USP4: variants seen among roughly 807,000 people sequenced by gnomAD.
USP4 encodes ubiquitin carboxyl-terminal hydrolase 4.
In USP4, 72 loss-of-function variants were observed where a neutral mutation model predicts 118.2. The ratio of observed to expected loss-of-function variants is 0.61; its 90% CI spans 0.50 to 0.74. USP4 has a LOEUF of 0.74. Among genes scored for constraint, USP4 ranks in the 30% least tolerant of loss-of-function variants. USP4 has a pLI of 0.00. For synonymous variants in USP4, 415 were observed against 440.4 expected (o/e 0.94, Z 0.72); for missense variants, 1,037 against 1,185.7 (o/e 0.87, Z 1.84).
chr3:49,307,552 A>G (rs1043246171), intron 8 of USP4, among the ~76,000 whole-genome samples: 3 of 152,096 alleles, frequency 2.0e-5, no homozygotes, highest in African/African-American at 7.2e-5. Context: ...AACCTCCCAA[A>G]TCACTGGGAA....
At chr3:49,285,580 TCTC>T (rs1312945609) in intron 16 of USP4, among the ~76,000 whole-genome samples, 1 of 151,916 alleles carries the variant, frequency 6.6e-6, no homozygotes, top group East Asian at 1.9e-4. Flanking sequence ...CAGAGATGCT[TCTC>T]CTCCCCTAAC....
chr3:49,339,334 C>T (rs933369161), intron 1 of USP4, among the ~76,000 whole-genome samples: 7 of 152,116 alleles, frequency 4.6e-5, no homozygotes, highest in African/African-American at 1.7e-4. Flanking sequence ...ATTCTGGACC[C>T]TTCATCTTCT....
intron 10 of USP4, 117 bp from the exon 11 acceptor site, chr3:49,300,808 G>T: frequency 1.1e-6 from 1 of 890,554 alleles, no homozygotes; most frequent in Non-Finnish European, 1.7e-6. Flanking sequence ...ACAGCCAAGA[G>T]CTTGATCCAG....
At chr3:49,316,665 A>G in intron 6 of USP4, 1 of 176,890 alleles carries the variant, frequency 5.7e-6, no homozygotes, top group East Asian at 1.5e-4. Context: ...ATTTTTACAA[A>G]GATAATCTTT....
intron 6 of USP4, chr3:49,318,775 TG>T (rs1575616224): frequency 4.6e-6 from 1 of 219,776 alleles, no homozygotes; most frequent in Non-Finnish European, 7.7e-6. Context: ...CCGGGCGTGG[TG>T]GCACGAACCC....
At chr3:49,316,730 G>T in intron 6 of USP4, 1 of 332,786 alleles carries the variant, frequency 3.0e-6, no homozygotes, top group Non-Finnish European at 5.6e-6. Context: ...CTGGGATGAA[G>T]GAGAACCCCT....
At chr3:49,332,793 G>A (rs1194528592) in intron 2 of USP4, among the ~76,000 whole-genome samples, 3 of 152,106 alleles carry the variant, frequency 2.0e-5, no homozygotes, top group Non-Finnish European at 4.4e-5. Flanking sequence ...ACTCTGGGAC[G>A]TCAAGGCGGG....
At chr3:49,283,871 C>G (rs78865369) in intron 19 of USP4, 116 bp downstream of exon 19, 8 of 1,277,412 alleles carry the variant, frequency 6.3e-6, no homozygotes, top group Non-Finnish European at 8.8e-6. Context: ...TCCTAGACCC[C>G]GGCAACACAC....
chr3:49,292,047 T>A (rs1359756581), intron 15 of USP4, among the ~76,000 whole-genome samples: 1 of 151,988 alleles, frequency 6.6e-6, no homozygotes, highest in African/African-American at 2.4e-5. Flanking sequence ...GACCTCGTGA[T>A]CCGCCCTCCT....
At position 49,335,584 on chromosome 3, in the gene USP4, G is replaced by A. The variant is rs2047660717; in HGVS notation, c.114C>T (p.Asp38=). The change falls in exon 2 of 22, where the codon GAC becomes GAT. Residue 38 remains aspartate, a synonymous_variant. Coordinates refer to ENST00000265560, the MANE Select transcript of USP4 (RefSeq NM_003363.4). ...TCTTCCACTGCTTGAACCACCGGCT[G>A]TCAATAAGATACCTAGAGAGAGACA... The part of the protein sequence containing the change: ...LQRGAQWYLI[D]SRWFKQWKKY... 2 of 1,614,220 alleles carry A rather than the reference G, an allele frequency of 1.2e-6. No homozygotes were observed. Among genetic ancestry groups the A allele is most frequent in the African/African-American group, 1.3e-5 (1 of 75,070 alleles).
intron 11 of USP4, among the ~76,000 whole-genome samples, chr3:49,300,097 A>T (rs1310668428): frequency 6.6e-6 from 1 of 152,116 alleles, no homozygotes; most frequent in Non-Finnish European, 1.5e-5. Context: ...AAATACAAAA[A>T]TTAGCTGAGC....
chr3:49,321,327 C>T (rs980923585), intron 6 of USP4, among the ~76,000 whole-genome samples: 1 of 152,010 alleles, frequency 6.6e-6, no homozygotes, highest in Non-Finnish European at 1.5e-5. Flanking sequence ...TACAATTGTT[C>T]ACCTTTCTCA....
At chr3:49,312,473 TC>T in intron 6 of USP4, 2 of 443,582 alleles carry the variant, frequency 4.5e-6, no homozygotes, top group Non-Finnish European at 9.0e-6. Flanking sequence ...AGACTCCATC[TC>T]AAAAAAAAAA....
chr3:49,288,165 C>T (rs1025073239), intron 15 of USP4, among the ~76,000 whole-genome samples: 19 of 152,186 alleles, frequency 1.2e-4, no homozygotes, highest in Non-Finnish European at 2.8e-4. Context: ...CCTTTACACA[C>T]AATAAGCCTG....
chr3:49,284,837 C>A lies in USP4; in HGVS notation c.2271+12G>T. On this transcript the variant is annotated intron_variant, in intron 17 of 21. Coordinates refer to ENST00000265560, the MANE Select transcript of USP4 (RefSeq NM_003363.4). ...AGCAGACACCACCGACCACGAACCC[C>A]GAGGGACCTACCTCAGATTCTTGCT... The A allele has an allele frequency of 1.9e-6, 3 of 1,613,100 alleles. No individual in the cohort carries two copies. The highest frequency in any genetic ancestry group is 2.5e-6 in the Non-Finnish European group (3 of 1,179,290).
At position 49,330,704 on chromosome 3, in the gene USP4, G is replaced by GGGAGGCT. The variant is rs566854275; in HGVS notation, c.230-2895_230-2889dup. The stretch of plus-strand genomic sequence containing the variant: ...GTCTCAACCCTGAGCTAAAAATATT[G>GGGAGGCT]GGAGGCTGGAGGCTGGAGGCCGGAG... On this transcript the variant is annotated intron_variant, in intron 2 of 21. Transcript: ENST00000265560. 3.9e-3 allele frequency among the ~76,000 whole-genome samples: 589 copies of GGGAGGCT among 152,092 alleles called. 3 individuals carry two copies. The highest frequency in any genetic ancestry group is 0.011 in the African/African-American group (451 of 41,516).
At chr3:49,309,941 A>ACCTTTTTT (rs2047365497) in intron 8 of USP4, among the ~76,000 whole-genome samples, 1 of 15,402 alleles carries the variant, frequency 6.5e-5, no homozygotes, top group African/African-American at 3.1e-4. Flanking sequence ...CTTTTTTTTA[A>ACCTTTTTT]TCTTTTTTTT....
Position 49,306,092 on chromosome 3 carries a change from C to T in USP4, c.955-204G>A, listed in dbSNP as rs567484349. The stretch of plus-strand genomic sequence containing the variant: ...CCCCTTGCAGCTAATCTCGGAGGGA[C>T]GTGGTCTTAGAGGACCGCATATGCA... On this transcript the variant is annotated intron_variant, in intron 8 of 21. Transcript: ENST00000265560. Among the ~76,000 whole-genome samples the T allele has an allele frequency of 5.3e-5, 8 of 151,828 alleles. No individual in the cohort carries two copies. In the South Asian group the frequency reaches 1.5e-3, roughly 28 times the overall value.
intron 2 of USP4, among the ~76,000 whole-genome samples, chr3:49,329,846 A>C (rs2047594320): frequency 6.6e-6 from 1 of 152,140 alleles, no homozygotes; most frequent in African/African-American, 2.4e-5. Flanking sequence ...TAAGACTTGA[A>C]AGTTGAAATC....
Sources: gnomAD v4.1 joint callset for allele counts (sites outside exome capture counted in the v4.1 genomes callset) on GRCh38, gnomAD v4.1.1 for gene constraint, MANE v1.5 for transcripts, NCBI Gene and HGNC (gene_info 2026-07-23, HGNC 2026-07-21) for gene names.